GTF2F2: variants seen among roughly 807,000 people sequenced by gnomAD.
GTF2F2 encodes the protein ATP-dependent helicase GTF2F2.
GTF2F2 carries 23 observed loss-of-function variants against 42.2 expected under a neutral mutation model. The ratio of observed to expected loss-of-function variants is 0.55; its 90% CI spans 0.39 to 0.77. The LOEUF (loss-of-function observed/expected upper bound fraction) is 0.77. Among genes scored for constraint, GTF2F2 ranks in the 30% least tolerant of loss-of-function variants. GTF2F2 has a pLI of 0.00. For missense variants in GTF2F2, 261 were observed against 287.2 expected (o/e 0.91, Z 0.66); for synonymous variants, 105 against 100.8 (o/e 1.04, Z -0.25).
At chr13:45,183,453 A>G (rs1295179959) in intron 4 of GTF2F2, among the ~76,000 whole-genome samples, 1 of 152,130 alleles carries the variant, frequency 6.6e-6, no homozygotes, top group Non-Finnish European at 1.5e-5. Context: ...CCTCTCAGGC[A>G]TCAAAAGGGA....
At chr13:45,182,781 G>C (rs1237453001) in intron 4 of GTF2F2, among the ~76,000 whole-genome samples, 1 of 152,116 alleles carries the variant, frequency 6.6e-6, no homozygotes, top group East Asian at 1.9e-4. Context: ...TTCTGTACAT[G>C]AATGAGGAAA....
Position 45,231,945 on chromosome 13 carries a change from A to G in GTF2F2, c.387-20926A>G, listed in dbSNP as rs184826202. On this transcript the variant is annotated intron_variant, in intron 5 of 7. Transcript: ENST00000340473. ...AGTGTATGCCTGGGTAGCTTCCTGC[A>G]GTTTGACATGATATGCAGCTAATAA... Among the ~76,000 whole-genome samples, 3 of 152,298 alleles carry G rather than the reference A, an allele frequency of 2.0e-5. No homozygotes were observed. The East Asian group carries it at 5.8e-4, about 29-fold the overall frequency.
chr13:45,126,391 A>G (rs1271497752), intron 1 of GTF2F2, among the ~76,000 whole-genome samples: 1 of 151,440 alleles, frequency 6.6e-6, no homozygotes, highest in Admixed American at 6.6e-5. Context: ...AGCTGGGATT[A>G]CAGGCGTGCA....
At chr13:45,283,100 C>G (rs927259246) in intron 7 of GTF2F2, among the ~76,000 whole-genome samples, 5 of 152,084 alleles carry the variant, frequency 3.3e-5, no homozygotes, top group Admixed American at 6.6e-5. Flanking sequence ...GCAGATTACC[C>G]TTGGTGTACC....
intron 5 of GTF2F2, among the ~76,000 whole-genome samples, chr13:45,209,259 A>T (rs999678892): frequency 6.6e-6 from 1 of 152,220 alleles, no homozygotes; most frequent in Admixed American, 6.5e-5. Flanking sequence ...TAGATACACA[A>T]ATACTTAAAA....
intron 5 of GTF2F2, among the ~76,000 whole-genome samples, chr13:45,243,884 C>T (rs1875450459): frequency 6.6e-6 from 1 of 152,234 alleles, no homozygotes. Flanking sequence ...TGGTCTCAAA[C>T]TCCTGACCTC....
chr13:45,127,152 G>A (rs1869052106), intron 1 of GTF2F2, among the ~76,000 whole-genome samples: 1 of 152,012 alleles, frequency 6.6e-6, no homozygotes, highest in African/African-American at 2.4e-5. Flanking sequence ...TATAATTAAT[G>A]TGCTATTATT....
At chr13:45,281,326 G>T (rs2138281115) in intron 7 of GTF2F2, among the ~76,000 whole-genome samples, 1 of 152,264 alleles carries the variant, frequency 6.6e-6, no homozygotes, top group South Asian at 2.1e-4. Flanking sequence ...TATACTTCCA[G>T]TACTAATCAG....
intron 2 of GTF2F2, among the ~76,000 whole-genome samples, chr13:45,145,216 G>C (rs1024993359): frequency 6.6e-6 from 1 of 152,108 alleles, no homozygotes. Flanking sequence ...GGAAGTAATA[G>C]GTGAGTGATG....
intron 5 of GTF2F2, among the ~76,000 whole-genome samples, chr13:45,250,157 C>T (rs1027339655): frequency 1.2e-4 from 18 of 148,852 alleles, no homozygotes; most frequent in Non-Finnish European, 8.9e-5. Flanking sequence ...TGGGTTCAAG[C>T]GATTCTCGAG....
At chr13:45,194,300 G>A in intron 4 of GTF2F2, 1 of 1,614,130 alleles carries the variant, frequency 6.2e-7, no homozygotes, top group Non-Finnish European at 8.5e-7. Context: ...AGGAAGTTTA[G>A]GACATGCCTG....
chr13:45,144,180 G>T (rs1870074305), intron 2 of GTF2F2, among the ~76,000 whole-genome samples: 1 of 151,942 alleles, frequency 6.6e-6, no homozygotes, highest in African/African-American at 2.4e-5. Flanking sequence ...TGAACCCGGG[G>T]AAGCAGAGGT....
At chr13:45,185,895 G>T (rs1057484788) in intron 4 of GTF2F2, among the ~76,000 whole-genome samples, 1 of 151,638 alleles carries the variant, frequency 6.6e-6, no homozygotes, top group South Asian at 2.1e-4. Flanking sequence ...ATATCTTTGC[G>T]TAGATAGAAA....
chr13:45,224,764 G>C (rs1365658665), intron 5 of GTF2F2, among the ~76,000 whole-genome samples: 3 of 152,194 alleles, frequency 2.0e-5, no homozygotes, highest in African/African-American at 7.2e-5. Context: ...GATTGCCAAA[G>C]CTTGTTTTTC....
intron 7 of GTF2F2, among the ~76,000 whole-genome samples, chr13:45,280,487 A>G (rs1566161100): frequency 6.6e-6 from 1 of 152,172 alleles, no homozygotes. Context: ...CTTAGGTTGC[A>G]GTTTAGAACA....
In GTF2F2 at chr13:45,249,800, T is replaced by A. The variant is rs556421362; in HGVS notation, c.387-3071T>A. Among the ~76,000 whole-genome samples, 3 of 151,966 alleles carry A rather than the reference T, an allele frequency of 2.0e-5. No individual in the cohort carries two copies. The East Asian group carries it at 5.8e-4, about 29-fold the overall frequency. Reference sequence around the variant, plus strand: ...TTAGAGAGGCCAAACCCCTGAGAGCTGATTGCATTAGAGGAGGATGGGGGG... The same window carrying A: ...TTAGAGAGGCCAAACCCCTGAGAGCAGATTGCATTAGAGGAGGATGGGGGG... On this transcript the variant is annotated intron_variant, in intron 5 of 7. Coordinates refer to ENST00000340473, the MANE Select transcript of GTF2F2 (RefSeq NM_004128.3).
intron 4 of GTF2F2, among the ~76,000 whole-genome samples, chr13:45,187,115 T>C (rs940626140): frequency 6.6e-6 from 1 of 152,150 alleles, no homozygotes; most frequent in African/African-American, 2.4e-5. Context: ...GTTGGCAAGG[T>C]GTGGTGACTC....
At chr13:45,204,244 A>G (rs78924247) in intron 4 of GTF2F2, among the ~76,000 whole-genome samples, 2,038 of 152,318 alleles carry the variant, frequency 0.013, 23 homozygotes, top group Non-Finnish European at 0.022. Context: ...AAATCAAGCT[A>G]TTCATATCTA....
At chr13:45,176,658 G>A (rs79602338) in intron 4 of GTF2F2, among the ~76,000 whole-genome samples, 1 of 151,320 alleles carries the variant, frequency 6.6e-6, no homozygotes, top group Non-Finnish European at 1.5e-5. Flanking sequence ...TTTGTGGCTT[G>A]TGCTTTTGTG....
Sources: allele counts gnomAD v4.1 joint callset (sites outside exome capture counted in the v4.1 genomes callset), GRCh38; gene constraint gnomAD v4.1.1; transcripts MANE v1.5; gene names NCBI Gene and HGNC (gene_info 2026-07-23, HGNC 2026-07-21).